HIVEP1: variants seen among roughly 807,000 people sequenced by gnomAD.
The protein encoded by HIVEP1 is HIVEP zinc finger 1.
HIVEP1 carries 36 observed loss-of-function variants against 180.0 expected under a neutral mutation model. The observed-to-expected ratio is 0.20, with a 90% CI of 0.15 to 0.26. The LOEUF (loss-of-function observed/expected upper bound fraction) is 0.26, where lower values mean the gene tolerates loss of function less well. HIVEP1 is among the 10% of genes least tolerant of loss of function. HIVEP1 has a pLI of 1.00. For synonymous variants in HIVEP1, 1,239 were observed against 1,239.0 expected (o/e 1.00, Z 0.00); for missense variants, 3,143 against 3,268.7 (o/e 0.96, Z 0.94).
chr6:12,179,282 A>G, the HIVEP1 span, among the ~76,000 whole-genome samples: 1 of 152,186 alleles, frequency 6.6e-6, no homozygotes, highest in Admixed American at 6.5e-5. Context: ...GGAAGGTGAT[A>G]ATGGAGCAGG....
At chr6:12,205,060 G>A in the HIVEP1 span, among the ~76,000 whole-genome samples, 416 of 152,238 alleles carry the variant, frequency 2.7e-3, no homozygotes, top group African/African-American at 9.4e-3. Flanking sequence ...AGGTGTTGAG[G>A]GGGAAGTGAT....
chr6:12,200,952 C>CTTCT, the HIVEP1 span, among the ~76,000 whole-genome samples: 1 of 152,168 alleles, frequency 6.6e-6, no homozygotes, highest in African/African-American at 2.4e-5. Flanking sequence ...CTAAGTCATG[C>CTTCT]CTAGCCCAGA....
rs1757701476 is a variant in HIVEP1 at position 12,121,888 on chromosome 6, G to A, written c.2093G>A (p.Ser698Asn). 1 of 1,614,068 alleles carries A rather than the reference G, an allele frequency of 6.2e-7. No individual in the cohort carries two copies. The highest frequency in any genetic ancestry group is 8.5e-7 in the Non-Finnish European group (1 of 1,180,040). ...ACTCCCTTTGCCAGAAGGTTACCCA[G>A]CACAGAACAAGACTCTGGAAGGAGT... ...PPTPFARRLPSTEQDSGRSNG... is the reference protein window; with the variant it reads ...PPTPFARRLPNTEQDSGRSNG... The change falls in exon 4 of 9, where the codon AGC becomes AAC. Residue 698 changes from serine to asparagine, a missense_variant. Physicochemically the swap from Ser to Asn is conservative, Grantham distance 46. This residue lies in a region of HIVEP1 where 365 missense variants were observed against 344.4 expected (regional missense o/e 1.06). Coordinates refer to ENST00000379388, the MANE Select transcript of HIVEP1 (RefSeq NM_002114.4). The surrounding 1 kb of genome is among the most constrained non-coding windows in gnomAD (Gnocchi z 5.3).
the HIVEP1 span, among the ~76,000 whole-genome samples, chr6:12,199,574 C>G: frequency 6.6e-6 from 1 of 151,902 alleles, no homozygotes; most frequent in African/African-American, 2.4e-5. Flanking sequence ...TTGGCCGGGC[C>G]AGTCTCAAAC....
At chr6:12,012,104 C>A (rs1289724034), upstream of HIVEP1, 6 of 146,774 alleles carry the variant, frequency 4.1e-5, no homozygotes, top group South Asian at 1.8e-4. Flanking sequence ...GCCCCAGGGT[C>A]TGTCCGCCCG....
chr6:12,167,646 CATAT>C (rs1341188361), downstream of HIVEP1, among the ~76,000 whole-genome samples: 1 of 22,072 alleles, frequency 4.5e-5, no homozygotes, highest in Non-Finnish European at 7.2e-5. Flanking sequence ...TATACATATA[CATAT>C]ATATGTTATA....
the HIVEP1 span, among the ~76,000 whole-genome samples, chr6:12,194,737 G>C: frequency 6.6e-6 from 1 of 152,154 alleles, no homozygotes; most frequent in Non-Finnish European, 1.5e-5. Flanking sequence ...GGGAGGTGGA[G>C]GTTGCAGTGA....
chr6:12,026,245 T>C (rs1242182029), intron 2 of HIVEP1, among the ~76,000 whole-genome samples: 1 of 152,202 alleles, frequency 6.6e-6, no homozygotes, highest in Non-Finnish European at 1.5e-5. Flanking sequence ...CAGGCTAGTA[T>C]GTGCAGTATG....
intron 1 of HIVEP1, 80 bp downstream of exon 1, chr6:12,012,646 C>T (rs1471714342): frequency 2.1e-5 from 3 of 145,904 alleles, no homozygotes; most frequent in Non-Finnish European, 4.5e-5. Context: ...AGGAGCACAT[C>T]CCTTCGGCGG....
In HIVEP1 at chr6:12,140,081, C is replaced by T. The variant is rs530821149; in HGVS notation, c.6487+4189C>T. Among the ~76,000 whole-genome samples, 31 of 152,332 alleles carry T rather than the reference C, an allele frequency of 2.0e-4. No homozygotes were observed. The Middle Eastern group carries it at 0.01, about 50-fold the overall frequency. On this transcript the variant is annotated intron_variant, in intron 7 of 8. Transcript: ENST00000379388. ...TGTAGCCTAACTAGGAGACACCTCCCCGTAGGGGCCGACTGACACCTCATA... is the reference window on the plus strand; with the variant it reads ...TGTAGCCTAACTAGGAGACACCTCCTCGTAGGGGCCGACTGACACCTCATA...
intron 2 of HIVEP1, among the ~76,000 whole-genome samples, chr6:12,022,638 A>T (rs1033601393): frequency 1.3e-5 from 2 of 152,266 alleles, no homozygotes; most frequent in Non-Finnish European, 2.9e-5. Flanking sequence ...CATTTGCCAC[A>T]GTGCCTGACA....
intron 2 of HIVEP1, among the ~76,000 whole-genome samples, chr6:12,029,266 T>G (rs1768780139): frequency 6.6e-6 from 1 of 152,220 alleles, no homozygotes. Context: ...GGTTATTGTT[T>G]GCATGGCATG....
chr6:12,116,392 A>G (rs1235093322), intron 3 of HIVEP1, among the ~76,000 whole-genome samples: 1 of 152,088 alleles, frequency 6.6e-6, no homozygotes, highest in Non-Finnish European at 1.5e-5. Flanking sequence ...TTGAGAATCA[A>G]GGGGTGGAGA....
rs1375792563 is a variant in HIVEP1, at chr6:12,123,390, T to G, written c.3595T>G (p.Ser1199Ala). The change falls in exon 4 of 9, where the codon TCA becomes GCA. Residue 1199 changes from serine (S) to alanine (A), a missense_variant. Ser to Ala is a moderately conservative substitution (Grantham distance 99). This residue lies in a region of HIVEP1 where 1,357 missense variants were observed against 1,260.5 expected (regional missense o/e 1.08). Transcript: ENST00000379388. The part of the protein sequence containing the change: ...DGSHPHQLAL[S>A]DALRGELQES... ...GTCTCATCCTCACCAGCTTGCACTA[T>G]CAGACGCTCTCAGAGGAGAACTTCA... 6.2e-7 allele frequency: 1 copy of G among 1,614,126 alleles called. No homozygotes were observed. Among genetic ancestry groups the G allele is most frequent in the Admixed American group, 1.7e-5 (1 of 60,020 alleles).
chr6:12,200,803 C>T, the HIVEP1 span, among the ~76,000 whole-genome samples: 53,763 of 152,160 alleles, frequency 0.35, 10,715 homozygotes, highest in Non-Finnish European at 0.43. Context: ...AAAAATTACA[C>T]GACTTTTGCA....
chr6:12,166,797 G>A (rs540782565), downstream of HIVEP1, among the ~76,000 whole-genome samples: 1 of 152,272 alleles, frequency 6.6e-6, no homozygotes, highest in African/African-American at 2.4e-5. Context: ...CAGGCCTGTA[G>A]AGAACTAGGG....
chr6:12,210,246 A>G, the HIVEP1 span, among the ~76,000 whole-genome samples: 1 of 152,266 alleles, frequency 6.6e-6, no homozygotes, highest in African/African-American at 2.4e-5. Context: ...TGCAAGGTAG[A>G]AAGTGCAGAA....
chr6:12,158,897 C>T (rs1760224894), intron 7 of HIVEP1, among the ~76,000 whole-genome samples: 3 of 152,180 alleles, frequency 2.0e-5, no homozygotes, highest in Non-Finnish European at 4.4e-5. Context: ...CTTCTCTCCC[C>T]CATATCTGGA....
chr6:12,071,158 C>T (rs1374418974), intron 2 of HIVEP1, among the ~76,000 whole-genome samples: 1 of 152,172 alleles, frequency 6.6e-6, no homozygotes, highest in African/African-American at 2.4e-5. Flanking sequence ...GACTTCTCAT[C>T]CCTAATAGAC....
Sources: gnomAD v4.1 joint callset for allele counts (sites outside exome capture counted in the v4.1 genomes callset) on GRCh38, gnomAD v4.1.1 for gene constraint, gnomAD v4.1.1 regional missense constraint, Gnocchi (gnomAD v3.1) non-coding constraint, MANE v1.5 for transcripts, NCBI Gene and HGNC (gene_info 2026-07-23, HGNC 2026-07-21) for gene names.